The following DPYSL3 variants were observed in gnomAD, a reference collection of about 807,000 sequenced individuals.
DPYSL3 encodes dihydropyrimidinase like 3.
Under a neutral mutation model 66.1 loss-of-function variants are expected in DPYSL3, and 16 were observed. That is an observed-to-expected ratio of 0.24 (90% confidence interval 0.16 to 0.37). DPYSL3 has a LOEUF of 0.37. Among genes scored for constraint, DPYSL3 ranks in the 10% least tolerant of loss-of-function variants. The pLI is 1.00. For synonymous variants in DPYSL3, 338 were observed against 345.1 expected (o/e 0.98, Z 0.23); for missense variants, 738 against 916.2 (o/e 0.81, Z 2.51).
At chr5:147,418,377 T>C (rs1359740052) in intron 3 of DPYSL3, 70 bp downstream of exon 3, 4 of 1,435,724 alleles carry the variant, frequency 2.8e-6, no homozygotes, top group African/African-American at 2.8e-5. Flanking sequence ...AGTAAGAGAG[T>C]TCTGGAGATA....
rs78707167 is a variant in DPYSL3, at chr5:147,398,059, C to T, written c.1624-214G>A. On this transcript the variant is annotated intron_variant, in intron 11 of 13. Coordinates refer to ENST00000343218, the MANE Select transcript of DPYSL3 (RefSeq NM_001197294.2). The stretch of plus-strand genomic sequence containing the variant: ...TTCCTAGCAAAAAGAAGTGTCCGGT[C>T]TTTAATAAGGTCCTCAAGTGGAAGT... Among the ~76,000 whole-genome samples, 298 of 152,214 alleles carry T rather than the reference C, an allele frequency of 2.0e-3. 1 individual carries two copies. Among genetic ancestry groups the T allele is most frequent in the African/African-American group, 6.9e-3 (288 of 41,550 alleles).
intron 3 of DPYSL3, 90 bp downstream of exon 3, chr5:147,418,357 T>C (rs938287116): frequency 4.4e-5 from 59 of 1,339,482 alleles, no homozygotes; most frequent in East Asian, 2.9e-4. Context: ...GGGACAAGTA[T>C]ACAAGTTATA....
rs531495814 is a variant in DPYSL3, at chr5:147,507,791, C to T, written c.381+1687G>A. ...ATAGGGTTTGCAAAAGGGAGGAAAACGGGAGAATTGCTAGGTTTAAAGGAG... is the reference window on the plus strand; with the variant it reads ...ATAGGGTTTGCAAAAGGGAGGAAAATGGGAGAATTGCTAGGTTTAAAGGAG... On this transcript the variant is annotated intron_variant, in intron 1 of 13. Coordinates refer to ENST00000343218, the MANE Select transcript of DPYSL3 (RefSeq NM_001197294.2). Among the ~76,000 whole-genome samples, 16 of 152,194 alleles carry T rather than the reference C, an allele frequency of 1.1e-4. No individual in the cohort carries two copies. In the South Asian group the frequency reaches 2.3e-3, roughly 22 times the overall value.
intron 1 of DPYSL3, among the ~76,000 whole-genome samples, chr5:147,426,677 T>C (rs1449858158): frequency 6.6e-6 from 1 of 152,160 alleles, no homozygotes; most frequent in African/African-American, 2.4e-5. Flanking sequence ...TCAAAGAGGA[T>C]ATAAAGTTTA....
intron 1 of DPYSL3, among the ~76,000 whole-genome samples, chr5:147,425,605 C>T (rs1042477520): frequency 1.3e-5 from 2 of 152,146 alleles, no homozygotes; most frequent in African/African-American, 2.4e-5. Context: ...TCTCATTATA[C>T]TCAATATTCC....
At chr5:147,448,408 CA>C (rs1029722979) in intron 1 of DPYSL3, among the ~76,000 whole-genome samples, 3 of 152,114 alleles carry the variant, frequency 2.0e-5, no homozygotes, top group Non-Finnish European at 2.9e-5. Flanking sequence ...TAAACAACAA[CA>C]AAAAAGTTTT....
chr5:147,428,608 A>G (rs73794720), intron 1 of DPYSL3, among the ~76,000 whole-genome samples: 10,596 of 152,226 alleles, frequency 0.07, 1,200 homozygotes, highest in African/African-American at 0.24. Context: ...ACACATGCTA[A>G]GATCAAAAGC....
intron 1 of DPYSL3, among the ~76,000 whole-genome samples, chr5:147,482,290 G>A (rs1485435998): frequency 6.6e-6 from 1 of 152,178 alleles, no homozygotes; most frequent in East Asian, 1.9e-4. Context: ...ACAATCTATA[G>A]ATTTGAGGAA....
At chr5:147,496,262 A>G (rs888509061) in intron 1 of DPYSL3, among the ~76,000 whole-genome samples, 2 of 152,276 alleles carry the variant, frequency 1.3e-5, no homozygotes, top group Non-Finnish European at 2.9e-5. Flanking sequence ...GATGGATTAA[A>G]GACTTACATG....
chr5:147,440,447 T>G (rs1268276632), intron 1 of DPYSL3, among the ~76,000 whole-genome samples: 1 of 152,254 alleles, frequency 6.6e-6, no homozygotes, highest in South Asian at 2.1e-4. Flanking sequence ...CTTCCAAGTC[T>G]CCTCATGTTA....
intron 1 of DPYSL3, among the ~76,000 whole-genome samples, chr5:147,447,578 C>T (rs1752650155): frequency 6.6e-6 from 1 of 152,164 alleles, no homozygotes; most frequent in Admixed American, 6.5e-5. Flanking sequence ...CTCCTATTAA[C>T]ATCCATCACA....
intron 1 of DPYSL3, among the ~76,000 whole-genome samples, chr5:147,502,663 G>T (rs1200103031): frequency 1.5e-5 from 2 of 136,040 alleles, no homozygotes; most frequent in Non-Finnish European, 3.0e-5. Context: ...TGCAACTTCC[G>T]CCTCCCGGGT....
intron 1 of DPYSL3, among the ~76,000 whole-genome samples, chr5:147,486,711 G>GGTCC (rs61033349): frequency 0.019 from 2,847 of 152,152 alleles, 85 homozygotes; most frequent in African/African-American, 0.065. Flanking sequence ...ACATCTGTTG[G>GGTCC]GTCCGTAAGT....
Position 147,453,695 on chromosome 5 carries a change from T to TGCGCTGGCC in DPYSL3, c.382-28741_382-28733dup, listed in dbSNP as rs1752788874. 5 of 1,353,466 alleles carry TGCGCTGGCC rather than the reference T, an allele frequency of 3.7e-6. 1 individual carries two copies. 83.8% of individuals were successfully genotyped at this position (1,353,466 alleles called of 1,614,324 possible). A position where few individuals can be genotyped will look rare whatever the true frequency, so the allele number is the denominator to read the frequency against. On this transcript the variant is annotated intron_variant, in intron 1 of 13. Transcript: ENST00000343218. ...CCCCGAGATCAGGTGGAGTGAATGG[T>TGCGCTGGCC]GCGCTGGCCGCGCCGCCGCCTCCGC...
chr5:147,484,296 T>C (rs905036219), intron 1 of DPYSL3, among the ~76,000 whole-genome samples: 1 of 152,230 alleles, frequency 6.6e-6, no homozygotes, highest in Non-Finnish European at 1.5e-5. Context: ...CTTTTCCCCT[T>C]CATAGCCCAT....
At chr5:147,395,505 A>G in intron 13 of DPYSL3, 54 bp downstream of exon 13, 1 of 1,558,962 alleles carries the variant, frequency 6.4e-7, no homozygotes, top group South Asian at 1.2e-5. Context: ...GCCTCAGAAC[A>G]TTGATCTTCC....
chr5:147,492,965 G>C (rs1328339332), intron 1 of DPYSL3, among the ~76,000 whole-genome samples: 1 of 152,046 alleles, frequency 6.6e-6, no homozygotes, highest in Admixed American at 6.6e-5. Flanking sequence ...AAGTACAAAG[G>C]CACAGAGATA....
At chr5:147,398,963 T>C in intron 11 of DPYSL3, 119 bp downstream of exon 11, 8 of 1,367,806 alleles carry the variant, frequency 5.8e-6, no homozygotes, top group Non-Finnish European at 7.9e-6. Context: ...GGGGATGGAT[T>C]ATTATTGCAA....
At chr5:147,407,316 G>A (rs970253150) in intron 7 of DPYSL3, among the ~76,000 whole-genome samples, 1 of 152,038 alleles carries the variant, frequency 6.6e-6, no homozygotes, top group Non-Finnish European at 1.5e-5. Flanking sequence ...AGAGGTTTGC[G>A]GCTGAGAGGC....
Sources: allele counts gnomAD v4.1 joint callset (sites outside exome capture counted in the v4.1 genomes callset), GRCh38; gene constraint gnomAD v4.1.1; transcripts MANE v1.5; gene names NCBI Gene and HGNC (gene_info 2026-07-23, HGNC 2026-07-21).